LRSAM1: variants seen among roughly 807,000 people sequenced by gnomAD.
LRSAM1 encodes leucine rich repeat and sterile alpha motif containing 1.
In LRSAM1, 96 loss-of-function variants were observed where a neutral mutation model predicts 118.1. That is an observed-to-expected ratio of 0.81 (90% confidence interval 0.69 to 0.96). LRSAM1 has a LOEUF of 0.96. Ranked by LOEUF, LRSAM1 falls within the 40% of genes least tolerant of loss-of-function variation. The pLI, the probability that LRSAM1 is intolerant of heterozygous loss-of-function variation, is 0.00. For synonymous variants in LRSAM1, 322 were observed against 364.2 expected (o/e 0.88, Z 1.32); for missense variants, 804 against 915.5 (o/e 0.88, Z 1.57).
rs148597126 is a variant in LRSAM1 at position 127,499,569 on chromosome 9, C to T, written c.1913-1441C>T. Among the ~76,000 whole-genome samples, 418 of 151,388 alleles carry T rather than the reference C, an allele frequency of 2.8e-3. 3 individuals are homozygous for T. In the East Asian group the frequency reaches 0.042, roughly 15 times the overall value. On this transcript the variant is annotated intron_variant, in intron 24 of 25. Transcript: ENST00000300417. Reference sequence around the variant, plus strand: ...ATATATATATATATGAATGCCCCCTCGAAATGGTGGTTTGGGGGGAAGCAC... The same window carrying T: ...ATATATATATATATGAATGCCCCCTTGAAATGGTGGTTTGGGGGGAAGCAC...
intron 21 of LRSAM1, among the ~76,000 whole-genome samples, chr9:127,493,353 C>T (rs1026816223): frequency 1.1e-4 from 17 of 152,196 alleles, no homozygotes; most frequent in African/African-American, 3.4e-4. Context: ...TGAGCCACCG[C>T]GCCTAGCCTC....
chr9:127,500,879 A>C, intron 24 of LRSAM1, 131 bp from the exon 25 acceptor site: 1 of 1,248,214 alleles, frequency 8.0e-7, no homozygotes, highest in Non-Finnish European at 1.2e-6. Context: ...CACTTCCCTC[A>C]GATCTGAGAG....
At chr9:127,464,968 T>A (rs1256087694) in intron 9 of LRSAM1, among the ~76,000 whole-genome samples, 1 of 151,952 alleles carries the variant, frequency 6.6e-6, no homozygotes, top group East Asian at 1.9e-4. Flanking sequence ...TTTTGATTCC[T>A]TTAAAAAAAA....
At chr9:127,455,483 C>A in intron 4 of LRSAM1, 93 bp from the exon 5 acceptor site, 2 of 1,326,908 alleles carry the variant, frequency 1.5e-6, no homozygotes, top group Non-Finnish European at 2.2e-6. Context: ...TTGTTCACCT[C>A]CTGCCTGTCT....
In LRSAM1 at chr9:127,457,388, A is replaced by G. The variant is rs1389329857; in HGVS notation, c.247A>G (p.Ile83Val). 2.5e-6 allele frequency: 4 copies of G among 1,614,010 alleles called. No homozygotes were observed. The highest frequency in any genetic ancestry group is 4.5e-5 in the East Asian group (2 of 44,900). ...CTGCAGCCTCCTGAGTCTGGCAACC[A>G]TCAAGGTACTGGGCCCTCCTCCCAG... ...KSCSLLSLAT[I>V]KVLDLHDNQL... The change falls in exon 6 of 26, where the codon ATC (isoleucine) becomes GTC (valine). Residue 83 changes from isoleucine to valine, a missense_variant. By Grantham distance (29) the Ile-to-Val change is conservative. Coordinates refer to ENST00000300417, the MANE Select transcript of LRSAM1 (RefSeq NM_001005373.4).
At chr9:127,476,253 G>A (rs1339216388) in intron 11 of LRSAM1, among the ~76,000 whole-genome samples, 3 of 152,188 alleles carry the variant, frequency 2.0e-5, no homozygotes, top group South Asian at 2.1e-4. Context: ...GCCTCGGCTC[G>A]CTGGGACACA....
intron 2 of LRSAM1, among the ~76,000 whole-genome samples, chr9:127,452,697 A>T (rs1028705626): frequency 6.6e-6 from 1 of 152,188 alleles, no homozygotes; most frequent in Non-Finnish European, 1.5e-5. Context: ...CACTTTACAG[A>T]TGAGGAAACT....
At chr9:127,495,491 C>T in intron 22 of LRSAM1, 73 bp downstream of exon 22, 2 of 1,220,692 alleles carry the variant, frequency 1.6e-6, no homozygotes, top group Non-Finnish European at 2.4e-6. Context: ...GTGGTGCCTC[C>T]ACCATGCTCT....
In LRSAM1 at chr9:127,462,626, A is replaced by G. The variant is rs533193770; in HGVS notation, c.528+253A>G. Among the ~76,000 whole-genome samples, 5 of 152,252 alleles carry G rather than the reference A, an allele frequency of 3.3e-5. No individual in the cohort carries two copies. The East Asian group carries it at 9.6e-4, about 29-fold the overall frequency. On this transcript the variant is annotated intron_variant, in intron 9 of 25. Transcript: ENST00000300417. ...AGAATGCTGAATCCAGAAGAGGCTGACACTTTAAGAAAGTTGTCGGTAGGG... is the reference window on the plus strand; with the variant it reads ...AGAATGCTGAATCCAGAAGAGGCTGGCACTTTAAGAAAGTTGTCGGTAGGG...
intron 21 of LRSAM1, among the ~76,000 whole-genome samples, chr9:127,494,973 C>T (rs1027594762): frequency 4.6e-5 from 7 of 152,118 alleles, no homozygotes; most frequent in African/African-American, 1.2e-4. Context: ...TTTTTTGAGA[C>T]GGAGTTTCGC....
intron 11 of LRSAM1, among the ~76,000 whole-genome samples, chr9:127,475,749 A>ATT (rs200391831): frequency 2.0e-5 from 3 of 150,766 alleles, no homozygotes; most frequent in African/African-American, 7.3e-5. Context: ...TTATTTTTTT[A>ATT]TTTTTTTTTG....
At chr9:127,479,013 C>G (rs1007389700) in intron 12 of LRSAM1, 50 bp downstream of exon 12, 1 of 1,545,956 alleles carries the variant, frequency 6.5e-7, no homozygotes, top group Non-Finnish European at 8.9e-7. Flanking sequence ...TTAAAGATCT[C>G]AACTCAACTC....
intron 10 of LRSAM1, among the ~76,000 whole-genome samples, chr9:127,471,890 T>C (rs936789953): frequency 1.3e-5 from 2 of 151,108 alleles, no homozygotes; most frequent in Admixed American, 6.6e-5. Context: ...CTCATACTCT[T>C]GACCTAAGGT....
At position 127,454,443 on chromosome 9, in the gene LRSAM1, T is replaced by G. The variant is rs1294696738; in HGVS notation, c.-32-53T>G. ...GTGTTACTGCACTACCTGTCCCGGG[T>G]GTTGGGGGCTGTGACAAATTCCCCA... On this transcript the variant is annotated intron_variant, in intron 2 of 25. Coordinates refer to ENST00000300417, the MANE Select transcript of LRSAM1 (RefSeq NM_001005373.4). The G allele has an allele frequency of 2.2e-6, 3 of 1,362,272 alleles. No homozygotes were observed. The East Asian group carries it at 7.0e-5, about 32-fold the overall frequency. The allele number at this position is 1,362,272 out of a possible 1,614,324, so 84.4% of individuals were successfully genotyped here. A position where few individuals can be genotyped will look rare whatever the true frequency, so the allele number is the denominator to read the frequency against.
In LRSAM1 at chr9:127,461,190, G is replaced by A. The variant is rs146613642; in HGVS notation, c.339G>A (p.Arg113=). ...LTALQVLNVE[R]NQLMQLPRSI... The stretch of plus-strand genomic sequence containing the variant: ...TTTCTTAGGTCTTAAACGTGGAAAG[G>A]AATCAACTGATGCAGCTCCCACGTT... Residue 113 remains arginine, a synonymous_variant, in exon 8 of 26, where the codon AGG becomes AGA. Transcript: ENST00000300417. The A allele has an allele frequency of 1.6e-5, 25 of 1,611,646 alleles. No individual in the cohort carries two copies. The African/African-American group carries it at 2.5e-4, about 16-fold the overall frequency.
intron 6 of LRSAM1, among the ~76,000 whole-genome samples, chr9:127,458,359 G>A (rs7874857): frequency 0.045 from 6,727 of 149,948 alleles, 553 homozygotes; most frequent in African/African-American, 0.16. Context: ...TCCGCAGTCC[G>A]GCGTGGGCGA....
Position 127,459,239 on chromosome 9 carries a change from C to T in LRSAM1, c.321+168C>T, listed in dbSNP as rs1391566545. 3.0e-5 allele frequency among the ~76,000 whole-genome samples: 4 copies of T among 135,454 alleles called. No homozygotes were observed. In the South Asian group the frequency reaches 9.3e-4, roughly 31 times the overall value. 88.9% of individuals were successfully genotyped at this position (135,454 alleles called of 152,430 possible). A position where few individuals can be genotyped will look rare whatever the true frequency, so the allele number is the denominator to read the frequency against. The stretch of plus-strand genomic sequence containing the variant: ...GGGGTTTTTTTTTTTTTTTTTGAGG[C>T]AGTGCCTCACTGCGTTGCCCAGGCT... On this transcript the variant is annotated intron_variant, in intron 7 of 25. Coordinates refer to ENST00000300417, the MANE Select transcript of LRSAM1 (RefSeq NM_001005373.4).
intron 22 of LRSAM1, 113 bp downstream of exon 22, chr9:127,495,531 C>A: frequency 1.1e-6 from 1 of 875,846 alleles, no homozygotes; most frequent in Non-Finnish European, 1.9e-6. Flanking sequence ...GTGACTCTAG[C>A]ATGCCAGATC....
rs1836136502 is a variant in LRSAM1 at position 127,496,171 on chromosome 9, C to T, written c.1830+76C>T. 7.6e-6 allele frequency: 12 copies of T among 1,583,924 alleles called. No individual in the cohort carries two copies. The South Asian group carries it at 1.3e-4, about 18-fold the overall frequency. ...CTGACCAGCCGGGGGTTGATCTGCT[C>T]CTTGTGTAGTCCTCGTTGAGGCCTG... On this transcript the variant is annotated intron_variant, in intron 23 of 25. Coordinates refer to ENST00000300417, the MANE Select transcript of LRSAM1 (RefSeq NM_001005373.4).
Sources: allele counts gnomAD v4.1 joint callset (sites outside exome capture counted in the v4.1 genomes callset), GRCh38; gene constraint gnomAD v4.1.1; transcripts MANE v1.5; gene names NCBI Gene and HGNC (gene_info 2026-07-23, HGNC 2026-07-21).